The following HMGXB3 variants were observed in gnomAD, a reference collection of about 807,000 sequenced individuals.
HMGXB3 encodes the protein HMG-box containing 3.
Under a neutral mutation model 121.5 loss-of-function variants are expected in HMGXB3, and 45 were observed. That is an observed-to-expected ratio of 0.37 (90% CI 0.29 to 0.47). HMGXB3 has a LOEUF of 0.47. Ranked by LOEUF, HMGXB3 falls within the 20% of genes least tolerant of loss-of-function variation. The pLI is 0.99. For synonymous variants in HMGXB3, 590 were observed against 624.1 expected (o/e 0.95, Z 0.81); for missense variants, 1,376 against 1,602.2 (o/e 0.86, Z 2.41).
At chr5:150,025,515 A>G (rs1561866528) in intron 7 of HMGXB3, among the ~76,000 whole-genome samples, 1 of 150,666 alleles carries the variant, frequency 6.6e-6, no homozygotes, top group South Asian at 2.1e-4. Flanking sequence ...TTTTTTTTTT[A>G]ACACAAATCA....
At chr5:150,026,189 A>G (rs1035931308) in intron 7 of HMGXB3, among the ~76,000 whole-genome samples, 1 of 152,160 alleles carries the variant, frequency 6.6e-6, no homozygotes, top group African/African-American at 2.4e-5. Context: ...GGTTTTGTAT[A>G]TTTAAAGGAT....
At position 150,052,199 on chromosome 5, in the gene HMGXB3, C is replaced by T; in HGVS notation, c.*7C>T. 6.5e-7 allele frequency: 1 copy of T among 1,532,666 alleles called. No homozygotes were observed. Among genetic ancestry groups the T allele is most frequent in the Non-Finnish European group, 8.8e-7 (1 of 1,136,336 alleles). 94.9% of individuals were successfully genotyped at this position (1,532,666 alleles called of 1,614,324 possible). ...GGCCGCAGTGGCAGAATAAGCCAGG[C>T]TGTTGTACAGGGACTACACCATCTC... is the stretch of plus-strand genomic sequence containing the variant. On this transcript the variant is annotated 3_prime_UTR_variant, in exon 20 of 20. Coordinates refer to ENST00000502717, the MANE Select transcript of HMGXB3 (RefSeq NM_014983.3).
intron 1 of HMGXB3, among the ~76,000 whole-genome samples, chr5:150,004,406 A>G (rs1289388627): frequency 6.6e-6 from 1 of 152,210 alleles, no homozygotes; most frequent in Non-Finnish European, 1.5e-5. Context: ...GCTTAAGTTG[A>G]TGAAACATAG....
intron 6 of HMGXB3, among the ~76,000 whole-genome samples, 155 bp from the exon 7 acceptor site, chr5:150,024,107 C>T (rs569157183): frequency 1.3e-5 from 2 of 152,332 alleles, no homozygotes; most frequent in East Asian, 3.8e-4. Flanking sequence ...TAGATTCAGG[C>T]TAGTTTTACA....
intron 7 of HMGXB3, among the ~76,000 whole-genome samples, chr5:150,025,214 G>T (rs543820163): frequency 6.6e-6 from 1 of 152,304 alleles, no homozygotes; most frequent in Non-Finnish European, 1.5e-5. Flanking sequence ...TATAAAACAT[G>T]CAACCAAGTA....
Position 150,018,582 on chromosome 5 carries a change from G to A in HMGXB3, c.926G>A (p.Arg309His), listed in dbSNP as rs975487042. 9.0e-6 allele frequency: 14 copies of A among 1,548,324 alleles called. No homozygotes were observed. The highest frequency in any genetic ancestry group is 8.2e-5 in the African/African-American group (6 of 72,916). ...TATTTACAGACCACTACATATACCCGCCGGGGCCATGGGACATGCACCAGC... is the reference window on the plus strand; with the variant it reads ...TATTTACAGACCACTACATATACCCACCGGGGCCATGGGACATGCACCAGC... ...TSIKLTTTYT[R>H]RGHGTCTSPG... The change falls in exon 6 of 20, where the codon CGC (arginine) becomes CAC (histidine). Residue 309 changes from arginine (R) to histidine (H), a missense_variant. Physicochemically the swap from Arg to His is conservative, Grantham distance 29. Transcript: ENST00000502717.
At chr5:150,022,373 A>G (rs760428348) in intron 6 of HMGXB3, among the ~76,000 whole-genome samples, 3 of 152,230 alleles carry the variant, frequency 2.0e-5, no homozygotes, top group Non-Finnish European at 4.4e-5. Flanking sequence ...AATGAGTTGG[A>G]TAAAACAAAA....
chr5:150,018,508 G>A, intron 5 of HMGXB3, 58 bp from the exon 6 acceptor site: 1 of 1,371,808 alleles, frequency 7.3e-7, no homozygotes, highest in South Asian at 1.8e-5. Context: ...TGTGATTATA[G>A]TGGTCATCAG....
chr5:150,027,638 C>A (rs1187820950), intron 9 of HMGXB3, among the ~76,000 whole-genome samples: 1 of 152,042 alleles, frequency 6.6e-6, no homozygotes, highest in South Asian at 2.1e-4. Flanking sequence ...GCAACCTCCA[C>A]CTCCTGGGTT....
Position 150,051,659 on chromosome 5 carries a change from C to T in HMGXB3, c.3412-66C>T, listed in dbSNP as rs553005129. ...GGGCTGGCTGAGCCTAGAGTGTTCT[C>T]GTCACCAGATGGGTTCCACCTTAGT... On this transcript the variant is annotated intron_variant, in intron 19 of 19. Coordinates refer to ENST00000502717, the MANE Select transcript of HMGXB3 (RefSeq NM_014983.3). The T allele has an allele frequency of 3.5e-4, 448 of 1,271,606 alleles. 1 individual carries two copies. The highest frequency in any genetic ancestry group is 1.0e-3 in the South Asian group (69 of 68,760). 78.8% of individuals were successfully genotyped at this position (1,271,606 alleles called of 1,614,324 possible). A position where few individuals can be genotyped will look rare whatever the true frequency, so the allele number is the denominator to read the frequency against.
At chr5:150,016,546 C>G (rs1265746465) in intron 5 of HMGXB3, among the ~76,000 whole-genome samples, 1 of 152,148 alleles carries the variant, frequency 6.6e-6, no homozygotes, top group East Asian at 1.9e-4. Context: ...GCTCTGAAAT[C>G]TACTTTGTCT....
intron 6 of HMGXB3, among the ~76,000 whole-genome samples, chr5:150,020,963 G>C (rs10039486): frequency 6.6e-6 from 1 of 151,890 alleles, no homozygotes; most frequent in Non-Finnish European, 1.5e-5. Context: ...GGCTGGTGTC[G>C]AACTCCTGGC....
At chr5:150,027,370 C>T (rs1187832614) in intron 9 of HMGXB3, among the ~76,000 whole-genome samples, 1 of 152,170 alleles carries the variant, frequency 6.6e-6, no homozygotes, top group Non-Finnish European at 1.5e-5. Context: ...GTACAGAGAA[C>T]ACCCATATAC....
At chr5:150,025,630 C>CG (rs150446993) in intron 7 of HMGXB3, among the ~76,000 whole-genome samples, 11,043 of 152,006 alleles carry the variant, frequency 0.073, 1,301 homozygotes, top group African/African-American at 0.25. Flanking sequence ...TGCAGTGGTG[C>CG]GAACACAGCT....
Position 150,026,071 on chromosome 5 carries a change from C to A in HMGXB3, c.1461-635C>A, listed in dbSNP as rs1202567894. 2.0e-5 allele frequency among the ~76,000 whole-genome samples: 3 copies of A among 152,188 alleles called. No homozygotes were observed. The East Asian group carries it at 5.8e-4, about 29-fold the overall frequency. The stretch of plus-strand genomic sequence containing the variant: ...GGTCTTGATCTCCTGACCTTGTGAT[C>A]CACCCGCCTTGGCCTCCCAAAGTGC... On this transcript the variant is annotated intron_variant, in intron 7 of 19. Transcript: ENST00000502717.
intron 6 of HMGXB3, chr5:150,021,890 A>G (rs1756103551): frequency 2.0e-6 from 1 of 510,608 alleles, no homozygotes; most frequent in South Asian, 1.4e-5. Context: ...CTCCAGCTCC[A>G]TGGGTGTTTT....
At chr5:150,001,530 G>C (rs999975096) in intron 1 of HMGXB3, among the ~76,000 whole-genome samples, 3 of 152,164 alleles carry the variant, frequency 2.0e-5, no homozygotes, top group Admixed American at 6.5e-5. Flanking sequence ...CCTTAACTCT[G>C]TTTTACAGAT....
At position 150,047,857 on chromosome 5, in the gene HMGXB3, T is replaced by C. The variant is rs1165607693; in HGVS notation, c.3084+100T>C. The C allele has an allele frequency of 8.1e-6, 11 of 1,351,522 alleles. 1 individual carries two copies. In the Admixed American group the frequency reaches 1.7e-4, roughly 21 times the overall value. 83.7% of individuals were successfully genotyped at this position (1,351,522 alleles called of 1,614,324 possible). On this transcript the variant is annotated intron_variant, in intron 17 of 19. Coordinates refer to ENST00000502717, the MANE Select transcript of HMGXB3 (RefSeq NM_014983.3). ...ATGAATATCTGTGATGGCATCTGCCTTGGACACAAGGTGCTGGCAGTCAGG... is the reference window on the plus strand; with the variant it reads ...ATGAATATCTGTGATGGCATCTGCCCTGGACACAAGGTGCTGGCAGTCAGG...
intron 16 of HMGXB3, among the ~76,000 whole-genome samples, chr5:150,046,670 G>T (rs1756762555): frequency 6.6e-6 from 1 of 151,956 alleles, no homozygotes; most frequent in African/African-American, 2.4e-5. Flanking sequence ...AAATTAGCCG[G>T]GCATGGTGGC....
Sources: gnomAD v4.1 joint callset for allele counts (sites outside exome capture counted in the v4.1 genomes callset) on GRCh38, gnomAD v4.1.1 for gene constraint, MANE v1.5 for transcripts, NCBI Gene and HGNC (gene_info 2026-07-23, HGNC 2026-07-21) for gene names.